Variants in KIF26A observed in about 807,000 individuals in gnomAD.
The protein encoded by KIF26A is kinesin-like protein KIF26A.
KIF26A carries 74 observed loss-of-function variants against 126.0 expected under a neutral mutation model. The observed-to-expected ratio is 0.59, with a 90% confidence interval of 0.49 to 0.71. The LOEUF (loss-of-function observed/expected upper bound fraction) is 0.71, where lower values mean the gene tolerates loss of function less well. Among genes scored for constraint, KIF26A ranks in the 30% least tolerant of loss-of-function variants. The pLI is 0.00. For synonymous variants in KIF26A, 1,445 were observed against 1,232.7 expected, an observed-to-expected ratio of 1.17 and a Z score of -3.61; for missense variants, 2,984 against 2,763.3, an observed-to-expected ratio of 1.08 and a Z score of -1.79.
intron 4 of KIF26A, among the ~76,000 whole-genome samples, 192 bp from the exon 5 acceptor site, chr14:104,166,667 G>A (rs918366827): frequency 1.4e-4 from 21 of 152,212 alleles, no homozygotes; most frequent in Admixed American, 9.8e-4. Flanking sequence ...GGGCAGGGAC[G>A]CCATGGAGGC....
In KIF26A at chr14:104,151,912, C is replaced by G. The variant is rs898036912; in HGVS notation, c.289-103C>G. The G allele has an allele frequency of 2.1e-6, 2 of 962,216 alleles. No individual in the cohort carries two copies. The highest frequency in any genetic ancestry group is 3.3e-5 in the African/African-American group (2 of 61,520). 59.6% of individuals were successfully genotyped at this position (962,216 alleles called of 1,614,324 possible). On this transcript the variant is annotated intron_variant, in intron 2 of 14. Transcript: ENST00000423312. This position sits in a 1 kb window ranked among gnomAD's most constrained non-coding sequence, Gnocchi z 4.9. ...TGTTACGGATGGTGCGGTGGCCAGGCGGGAGCTCGCAGCGTCATGGACGGT... is the reference window on the plus strand; with the variant it reads ...TGTTACGGATGGTGCGGTGGCCAGGGGGGAGCTCGCAGCGTCATGGACGGT...
rs776486178 is a variant in KIF26A at position 104,152,264 on chromosome 14, G to T, written c.538G>T (p.Ala180Ser). The change falls in exon 3 of 15, where the codon GCA becomes TCA. Residue 180 changes from alanine to serine, a missense_variant. By Grantham distance (99) the Ala-to-Ser change is moderately conservative. Coordinates refer to ENST00000423312, the MANE Select transcript of KIF26A (RefSeq NM_015656.2). The surrounding 1 kb of genome is among the most constrained non-coding windows in gnomAD (Gnocchi z 5.9). ...GGACACGCCAGGACCAGCGGGTCCT[G>T]CAGGGAGGCAGCCAGGACGAGCTGG... ...SRDTPGPAGPAGRQPGRAGPD... is the reference protein window; with the variant it reads ...SRDTPGPAGPSGRQPGRAGPD... 1.9e-6 allele frequency: 3 copies of T among 1,592,836 alleles called. No homozygotes were observed. In the Admixed American group the frequency reaches 5.2e-5, roughly 28 times the overall value.
intron 13 of KIF26A, 144 bp downstream of exon 13, chr14:104,178,899 CAGGACGCAAAGGT>C (rs1273900842): frequency 1.7e-6 from 1 of 599,578 alleles, no homozygotes; most frequent in African/African-American, 1.9e-5. Flanking sequence ...ACGTTCCTCC[CAGGACGCAAAGGT>C]AGGAGCGGCC....
rs746796132 is a variant in KIF26A at position 104,179,244 on chromosome 14, G to A, written c.5325G>A (p.Ala1775=). The A allele has an allele frequency of 5.7e-5, 85 of 1,498,594 alleles. No individual in the cohort carries two copies. Among genetic ancestry groups the A allele is most frequent in the Middle Eastern group, 2.2e-4 (1 of 4,502 alleles). 92.8% of individuals were successfully genotyped at this position (1,498,594 alleles called of 1,614,324 possible). A position where few individuals can be genotyped will look rare whatever the true frequency, so the allele number is the denominator to read the frequency against. Residue 1775 remains alanine (A), a synonymous_variant, in exon 14 of 15, where the codon GCG becomes GCA. Transcript: ENST00000423312. The part of the protein sequence containing the change: ...TPREAPTQGL[A]CVSTRLRLAE... ...CCCGCCCTGCCTCCCAGGGTCTGGC[G>A]TGCGTCAGTACAAGGCTGCGGCTGG...
chr14:104,146,128 C>G (rs2037678306), intron 2 of KIF26A, among the ~76,000 whole-genome samples: 1 of 152,192 alleles, frequency 6.6e-6, no homozygotes, highest in African/African-American at 2.4e-5. Flanking sequence ...GTCTCAGTCT[C>G]TCTGAGCCTC....
At position 104,145,013 on chromosome 14, in the gene KIF26A, G is replaced by A. The variant is rs566362417; in HGVS notation, c.288+5725G>A. Among the ~76,000 whole-genome samples the A allele has an allele frequency of 1.4e-3, 207 of 152,290 alleles. No homozygotes were observed. In the Middle Eastern group the frequency reaches 0.017, roughly 13 times the overall value. On this transcript the variant is annotated intron_variant, in intron 2 of 14. Coordinates refer to ENST00000423312, the MANE Select transcript of KIF26A (RefSeq NM_015656.2). Reference sequence around the variant, plus strand: ...TCTGGAAGTCCTGGCCCAGGAATGGGCAGCCCTCGTCAGCCTCTGAGCTCT... The same window carrying A: ...TCTGGAAGTCCTGGCCCAGGAATGGACAGCCCTCGTCAGCCTCTGAGCTCT...
At chr14:104,153,888 G>T (rs1398015247) in intron 3 of KIF26A, among the ~76,000 whole-genome samples, 1 of 151,882 alleles carries the variant, frequency 6.6e-6, no homozygotes, top group African/African-American at 2.4e-5. Context: ...CAGGCCCCTT[G>T]CTGGGCAGCC....
chr14:104,176,061 T>TGAGGGGGGGCCCCTG lies in KIF26A; in HGVS notation c.3281_3295dup (p.Gly1094_Gly1098dup), dbSNP rs1566865661. On this transcript the variant is annotated inframe_insertion, in exon 12 of 15. Transcript: ENST00000423312. ...TTGACGCCTACACCTCTCAGGCCCCTGAGGGGGGGCCCCTGGAGGGGGCAG... is the reference window on the plus strand; with the variant it reads ...TTGACGCCTACACCTCTCAGGCCCCTGAGGGGGGGCCCCTGGAGGGGGGGCCCCTGGAGGGGGCAG... 6.3e-7 allele frequency: 1 copy of TGAGGGGGGGCCCCTG among 1,596,606 alleles called. No individual in the cohort carries two copies. The highest frequency in any genetic ancestry group is 1.3e-5 in the African/African-American group (1 of 74,790).
At position 104,175,975 on chromosome 14, in the gene KIF26A, C is replaced by T. The variant is rs748548796; in HGVS notation, c.3187C>T (p.Leu1063=). Residue 1063 remains leucine, a synonymous_variant, in exon 12 of 15, where the codon CTG becomes TTG. Transcript: ENST00000423312. The part of the protein sequence containing the change: ...SLASFDSDCS[L]RALASGSRPV... ...GGCTAGCTTCGACAGTGACTGCTCC[C>T]TGCGGGCCCTGGCCTCGGGGTCCCG... 4.4e-6 allele frequency: 7 copies of T among 1,575,588 alleles called. No homozygotes were observed. The African/African-American group carries it at 8.1e-5, about 18-fold the overall frequency.
chr14:104,156,809 T>C (rs573199601), intron 3 of KIF26A, among the ~76,000 whole-genome samples: 3 of 152,236 alleles, frequency 2.0e-5, no homozygotes, highest in Admixed American at 2.0e-4. Flanking sequence ...CCAGCCCACG[T>C]CCCCTCAGCA....
rs568970789 is a variant in KIF26A at position 104,164,895 on chromosome 14, C to G, written c.924-1964C>G. 4.0e-5 allele frequency among the ~76,000 whole-genome samples: 6 copies of G among 151,306 alleles called. No homozygotes were observed. The East Asian group carries it at 1.2e-3, about 30-fold the overall frequency. On this transcript the variant is annotated intron_variant, in intron 4 of 14. Coordinates refer to ENST00000423312, the MANE Select transcript of KIF26A (RefSeq NM_015656.2). ...CCTGTGTCTCTCTGTATATGTGTCT[C>G]TGTGTCTTTATGTGTCTGTCTCTGT... is the stretch of plus-strand genomic sequence containing the variant.
At position 104,173,483 on chromosome 14, in the gene KIF26A, T is replaced by G; in HGVS notation, c.1837T>G (p.Tyr613Asp). The change falls in exon 9 of 15, where the codon TAC (tyrosine) becomes GAC (aspartate). Residue 613 changes from tyrosine to aspartate, a missense_variant. Physicochemically the swap from Tyr to Asp is radical, Grantham distance 160. Coordinates refer to ENST00000423312, the MANE Select transcript of KIF26A (RefSeq NM_015656.2). The stretch of plus-strand genomic sequence containing the variant: ...GTTGTTCACGCTGCACGTCTACCAG[T>G]ACCGCATGGAGAAGTGCGGCCGGGG... ...HMLFTLHVYQ[Y>D]RMEKCGRGGM... 6.3e-7 allele frequency: 1 copy of G among 1,579,022 alleles called. No homozygotes were observed. The highest frequency in any genetic ancestry group is 2.3e-5 in the East Asian group (1 of 43,828).
At chr14:104,159,216 G>A (rs1388983014) in intron 4 of KIF26A, among the ~76,000 whole-genome samples, 1 of 152,220 alleles carries the variant, frequency 6.6e-6, no homozygotes, top group Non-Finnish European at 1.5e-5. Context: ...GAGCAGATGG[G>A]GGTCTTGCCC....
chr14:104,140,589 G>A (rs2037628644), intron 2 of KIF26A, among the ~76,000 whole-genome samples: 2 of 152,126 alleles, frequency 1.3e-5, no homozygotes, highest in African/African-American at 4.8e-5. Flanking sequence ...GTCCTGGCAT[G>A]GACTCGTGGA....
chr14:104,152,319 C>A lies in KIF26A; in HGVS notation c.593C>A (p.Ser198Tyr). ...GACAGGACCAAGGGGCTGGCCTGGT[C>A]CCCCGGGCCCAGTGTCCAGGTGTCT... Reference protein sequence around the residue: ...GPDRTKGLAWSPGPSVQVSVA... With the variant: ...GPDRTKGLAWYPGPSVQVSVA... Residue 198 changes from serine (S) to tyrosine (Y), a missense_variant, in exon 3 of 15, where the codon TCC (serine) becomes TAC (tyrosine). Coordinates refer to ENST00000423312, the MANE Select transcript of KIF26A (RefSeq NM_015656.2). The surrounding 1 kb of genome is among the most constrained non-coding windows in gnomAD (Gnocchi z 5.9). The A allele has an allele frequency of 1.9e-6, 3 of 1,579,128 alleles. No individual in the cohort carries two copies. Among genetic ancestry groups the A allele is most frequent in the Non-Finnish European group, 2.6e-6 (3 of 1,165,314 alleles).
intron 4 of KIF26A, among the ~76,000 whole-genome samples, chr14:104,161,401 A>C (rs1046007128): frequency 2.0e-5 from 3 of 152,214 alleles, no homozygotes; most frequent in African/African-American, 7.2e-5. Flanking sequence ...ACGCGACAGA[A>C]CAGGCTCGTG....
In KIF26A at chr14:104,177,116, G is replaced by C. The variant is rs554679807; in HGVS notation, c.4328G>C (p.Gly1443Ala). The C allele has an allele frequency of 1.8e-5, 28 of 1,597,612 alleles. No individual in the cohort carries two copies. Among genetic ancestry groups the C allele is most frequent in the Admixed American group, 6.7e-5 (4 of 59,964 alleles). ...CACGCGTCTCTGGAGCGGTACGAAG[G>C]CCTGGCGCACAGCAGCAGCAAGGGC... ...AGHASLERYE[G>A]LAHSSSKGRE... The change falls in exon 12 of 15, where the codon GGC (glycine) becomes GCC (alanine). Residue 1443 changes from glycine to alanine, a missense_variant. Transcript: ENST00000423312.
Position 104,175,717 on chromosome 14 carries a change from G to T in KIF26A, c.2929G>T (p.Ala977Ser). The T allele has an allele frequency of 2.5e-6, 4 of 1,585,814 alleles. No homozygotes were observed. The highest frequency in any genetic ancestry group is 1.7e-6 in the Non-Finnish European group (2 of 1,167,336). Reference protein sequence around the residue: ...EPGGGGTDGVARTPPVGMSGQ... With the variant: ...EPGGGGTDGVSRTPPVGMSGQ... ...TGGGGGAGGGGGCACTGATGGAGTG[G>T]CACGGACCCCTCCCGTGGGCATGAG... The change falls in exon 12 of 15, where the codon GCA becomes TCA. Residue 977 changes from alanine (A) to serine (S), a missense_variant. By Grantham distance (99) the Ala-to-Ser change is moderately conservative (BLOSUM62 1). Transcript: ENST00000423312.
In KIF26A at chr14:104,148,117, C is replaced by T. The variant is rs748910901; in HGVS notation, c.289-3898C>T. ...TGGGGAGACTTCTCTCCTGCAGTGA[C>T]GGGGAGCGGGGAGTCCCCGGTAAAG... is the stretch of plus-strand genomic sequence containing the variant. On this transcript the variant is annotated intron_variant, in intron 2 of 14. Transcript: ENST00000423312. The surrounding 1 kb of genome is among the most constrained non-coding windows in gnomAD (Gnocchi z 4.3). Among the ~76,000 whole-genome samples, 5 of 152,088 alleles carry T rather than the reference C, an allele frequency of 3.3e-5. No individual in the cohort carries two copies. The highest frequency in any genetic ancestry group is 7.4e-5 in the Non-Finnish European group (5 of 67,988).
Sources: allele counts gnomAD v4.1 joint callset (sites outside exome capture counted in the v4.1 genomes callset), GRCh38; gene constraint gnomAD v4.1.1; non-coding constraint Gnocchi (gnomAD v3.1); transcripts MANE v1.5; gene names NCBI Gene and HGNC (gene_info 2026-07-23, HGNC 2026-07-21).